SERGEF: variants seen among roughly 807,000 people sequenced by gnomAD.
The protein encoded by SERGEF is secretion regulating guanine nucleotide exchange factor, also known as secretion-regulating guanine nucleotide exchange factor.
A neutral mutation model predicts 50.0 loss-of-function variants in SERGEF; 51 were observed. The ratio of observed to expected loss-of-function variants is 1.02; its 90% CI spans 0.81 to 1.29. SERGEF has a LOEUF of 1.29. Ranked by LOEUF, SERGEF falls within the 50% of genes most tolerant of loss-of-function variation. The pLI is 0.00. For synonymous variants in SERGEF, 205 were observed against 212.4 expected, an observed-to-expected ratio of 0.97 and a Z score of 0.30; for missense variants, 521 against 557.0, an observed-to-expected ratio of 0.94 and a Z score of 0.65.
rs1261893384 is a variant in SERGEF at position 17,990,402 on chromosome 11, G to A, written c.686-1647C>T. ...GAATTTGGTGTATTCCATTCCCAGA[G>A]AGAGGTCAACCTCCTGGACTTCATC... is the stretch of plus-strand genomic sequence containing the variant. On this transcript the variant is annotated intron_variant, in intron 7 of 10. Transcript: ENST00000265965. Among the ~76,000 whole-genome samples, 5 of 152,196 alleles carry A rather than the reference G, an allele frequency of 3.3e-5. No individual in the cohort carries two copies. The East Asian group carries it at 7.7e-4, about 23-fold the overall frequency.
intron 10 of SERGEF, among the ~76,000 whole-genome samples, chr11:17,819,883 G>C (rs1351821302): frequency 1.3e-5 from 2 of 152,190 alleles, no homozygotes; most frequent in African/African-American, 4.8e-5. Flanking sequence ...CTATTGCCCA[G>C]GCTGGAGTGC....
chr11:17,861,394 A>G (rs1171596904), intron 10 of SERGEF, among the ~76,000 whole-genome samples: 2 of 152,240 alleles, frequency 1.3e-5, no homozygotes, highest in Non-Finnish European at 2.9e-5. Flanking sequence ...TCAAGATATT[A>G]AGCAGCAGAA....
intron 8 of SERGEF, among the ~76,000 whole-genome samples, chr11:17,963,409 A>G (rs1853057623): frequency 6.9e-6 from 1 of 145,398 alleles, no homozygotes; most frequent in African/African-American, 2.5e-5. Context: ...TTTTTTTGAC[A>G]CAGAGTCTTA....
At position 17,892,611 on chromosome 11, in the gene SERGEF, C is replaced by T. The variant is rs148669317; in HGVS notation, c.1012-14367G>A. On this transcript the variant is annotated intron_variant, in intron 9 of 10. Coordinates refer to ENST00000265965, the MANE Select transcript of SERGEF (RefSeq NM_012139.4). ...CTACTAGGTTATGAGTGATTTATTA[C>T]GTAACATTACTGTGGCGATAGATAA... Among the ~76,000 whole-genome samples, 342 of 152,288 alleles carry T rather than the reference C, an allele frequency of 2.2e-3. 1 individual carries two copies. The highest frequency in any genetic ancestry group is 7.8e-3 in the African/African-American group (324 of 41,558).
chr11:17,962,570 G>C (rs1052243091), intron 8 of SERGEF, among the ~76,000 whole-genome samples: 14 of 152,214 alleles, frequency 9.2e-5, no homozygotes, highest in Admixed American at 2.6e-4. Context: ...ATAAATGACA[G>C]AGATGACAAA....
intron 9 of SERGEF, among the ~76,000 whole-genome samples, chr11:17,948,275 C>T (rs1339257392): frequency 1.3e-5 from 2 of 152,186 alleles, no homozygotes; most frequent in Non-Finnish European, 1.5e-5. Flanking sequence ...AATGCTTTCA[C>T]ATCCCTGACA....
chr11:17,851,888 A>T (rs1850722018), intron 10 of SERGEF, among the ~76,000 whole-genome samples: 1 of 152,206 alleles, frequency 6.6e-6, no homozygotes, highest in Admixed American at 6.5e-5. Context: ...GAAAGGATGA[A>T]GGGACACAAG....
chr11:17,925,894 A>G lies in SERGEF; in HGVS notation c.1011+33576T>C, dbSNP rs573278119. ...CTGTGTGATCTTGGGCAAAATATGT[A>G]ACATCTTGAGCCTCAGCTGCCTTAC... On this transcript the variant is annotated intron_variant, in intron 9 of 10. Transcript: ENST00000265965. Among the ~76,000 whole-genome samples, 4 of 152,312 alleles carry G rather than the reference A, an allele frequency of 2.6e-5. No homozygotes were observed. The East Asian group carries it at 5.8e-4, about 22-fold the overall frequency.
rs534404926 is a variant in SERGEF, at chr11:18,012,231, ACAT to A, written c.60+717_60+719del. Among the ~76,000 whole-genome samples the A allele has an allele frequency of 3.8e-3, 582 of 152,132 alleles. 1 individual carries two copies. The highest frequency in any genetic ancestry group is 0.01 in the Middle Eastern group (3 of 294). The stretch of plus-strand genomic sequence containing the variant: ...GACTGACGTTAATAATAAATTATAC[ACAT>A]CATTACAATTGTGATACGTGCTATG... On this transcript the variant is annotated intron_variant, in intron 1 of 10. Coordinates refer to ENST00000265965, the MANE Select transcript of SERGEF (RefSeq NM_012139.4).
chr11:17,931,424 A>C (rs2237916), intron 9 of SERGEF, among the ~76,000 whole-genome samples: 51,475 of 151,938 alleles, frequency 0.34, 9,703 homozygotes, highest in East Asian at 0.49. Context: ...ATAATACTCA[A>C]ATGTCCTGGG....
At chr11:17,799,842 A>G (rs965231938) in intron 10 of SERGEF, among the ~76,000 whole-genome samples, 21 of 152,172 alleles carry the variant, frequency 1.4e-4, no homozygotes, top group African/African-American at 5.1e-4. Flanking sequence ...GCTATGCCCA[A>G]TTCAGTTCAA....
At chr11:17,926,615 G>T in intron 9 of SERGEF, 1 of 394,182 alleles carries the variant, frequency 2.5e-6, no homozygotes, top group Non-Finnish European at 5.1e-6. Flanking sequence ...CTGGGTATCT[G>T]CCTTATTCTA....
chr11:17,801,108 C>T (rs1332530397), intron 10 of SERGEF, among the ~76,000 whole-genome samples: 13 of 150,260 alleles, frequency 8.7e-5, no homozygotes, highest in South Asian at 6.3e-4. Context: ...GGCAGGAGAA[C>T]GGCGTGAACC....
chr11:18,008,535 G>C (rs768550177), intron 1 of SERGEF, among the ~76,000 whole-genome samples: 4 of 152,216 alleles, frequency 2.6e-5, no homozygotes, highest in Non-Finnish European at 4.4e-5. Context: ...GGCTGAAGGG[G>C]ACATGAGTCC....
At chr11:17,800,793 C>A (rs572658487) in intron 10 of SERGEF, among the ~76,000 whole-genome samples, 1 of 152,186 alleles carries the variant, frequency 6.6e-6, no homozygotes, top group East Asian at 1.9e-4. Context: ...GAAGAAATGA[C>A]AATACAAAGG....
chr11:17,802,316 A>C (rs934137403), intron 10 of SERGEF, among the ~76,000 whole-genome samples: 4 of 152,210 alleles, frequency 2.6e-5, no homozygotes, highest in Non-Finnish European at 2.9e-5. Flanking sequence ...AATGAAGATA[A>C]GGAAGCCCAG....
Position 17,970,681 on chromosome 11 carries a change from A to G in SERGEF, c.845-11045T>C, listed in dbSNP as rs1853229117. ...GAAATTAAAAGTGCTTCGCTAGTGG[A>G]CACCCTAATGATAAGAAAGCAAAAT... On this transcript the variant is annotated intron_variant, in intron 8 of 10. Transcript: ENST00000265965. Among the ~76,000 whole-genome samples the G allele has an allele frequency of 2.0e-5, 3 of 152,230 alleles. No homozygotes were observed. In the South Asian group the frequency reaches 6.2e-4, roughly 32 times the overall value.
chr11:17,904,405 C>T (rs998139033), intron 9 of SERGEF, among the ~76,000 whole-genome samples: 3 of 152,242 alleles, frequency 2.0e-5, no homozygotes, highest in African/African-American at 7.2e-5. Flanking sequence ...TCCACCATGC[C>T]AGACTGAGCC....
At chr11:17,903,324 A>G (rs1851780677) in intron 9 of SERGEF, among the ~76,000 whole-genome samples, 1 of 152,248 alleles carries the variant, frequency 6.6e-6, no homozygotes. Context: ...GTGGGGGCAG[A>G]AACTCCAACT....
Sources: gnomAD v4.1 joint callset for allele counts (sites outside exome capture counted in the v4.1 genomes callset) on GRCh38, gnomAD v4.1.1 for gene constraint, MANE v1.5 for transcripts, NCBI Gene and HGNC (gene_info 2026-07-23, HGNC 2026-07-21) for gene names.